SLC25A26: variants seen among roughly 807,000 people sequenced by gnomAD.
SLC25A26 encodes mitochondrial S-adenosylmethionine carrier protein.
In SLC25A26, 36 loss-of-function variants were observed where a neutral mutation model predicts 37.8. That is an observed-to-expected ratio of 0.95 (90% CI 0.73 to 1.26). The LOEUF (loss-of-function observed/expected upper bound fraction) is 1.26. Ranked by LOEUF, SLC25A26 falls within the 50% of genes most tolerant of loss-of-function variation. The pLI is 0.00. For synonymous variants in SLC25A26, 129 were observed against 122.5 expected (o/e 1.05, Z -0.35); for missense variants, 390 against 331.1 (o/e 1.18, Z -1.38).
At chr3:66,293,631 A>G (rs967913433) in intron 5 of SLC25A26, among the ~76,000 whole-genome samples, 2 of 152,096 alleles carry the variant, frequency 1.3e-5, no homozygotes, top group African/African-American at 4.8e-5. Context: ...ATAAATGAGA[A>G]CATGTGGTAT....
At chr3:66,230,433 G>T (rs564382777) in intron 1 of SLC25A26, among the ~76,000 whole-genome samples, 1 of 152,136 alleles carries the variant, frequency 6.6e-6, no homozygotes, top group Non-Finnish European at 1.5e-5. Context: ...TCAGGGGTGT[G>T]TGTGTGCATG....
chr3:66,272,360 T>C (rs746137630), intron 5 of SLC25A26, among the ~76,000 whole-genome samples: 14 of 152,166 alleles, frequency 9.2e-5, no homozygotes, highest in Admixed American at 7.2e-4. Context: ...GAGGAAAATA[T>C]GTATTTAAAA....
chr3:66,227,548 T>G (rs1453153563), intron 1 of SLC25A26, among the ~76,000 whole-genome samples: 1 of 152,226 alleles, frequency 6.6e-6, no homozygotes, highest in Non-Finnish European at 1.5e-5. Context: ...TACTCATAGT[T>G]AATATGCTGT....
At chr3:66,374,743 T>A (rs1700545119) in intron 9 of SLC25A26, among the ~76,000 whole-genome samples, 1 of 152,048 alleles carries the variant, frequency 6.6e-6, no homozygotes. Flanking sequence ...TAGCTGGCCA[T>A]GTTGGTGTGT....
At chr3:66,156,033 T>C (rs1384162074) in intron 1 of SLC25A26, among the ~76,000 whole-genome samples, 1 of 152,022 alleles carries the variant, frequency 6.6e-6, no homozygotes, top group Non-Finnish European at 1.5e-5. Flanking sequence ...TACAAGTAGA[T>C]GATGTTGGGG....
intron 5 of SLC25A26, among the ~76,000 whole-genome samples, chr3:66,319,262 C>CT (rs1172787955): frequency 6.6e-6 from 1 of 150,868 alleles, no homozygotes; most frequent in Non-Finnish European, 1.5e-5. Context: ...TTTTTTCTGT[C>CT]TTTTTAACGT....
chr3:66,173,286 C>G (rs1022810925), intron 1 of SLC25A26, among the ~76,000 whole-genome samples: 2 of 152,066 alleles, frequency 1.3e-5, no homozygotes, highest in Non-Finnish European at 2.9e-5. Context: ...ACATGCTTTC[C>G]CCGGGAGCTA....
At chr3:66,298,153 A>C (rs2074965683) in intron 5 of SLC25A26, among the ~76,000 whole-genome samples, 1 of 152,210 alleles carries the variant, frequency 6.6e-6, no homozygotes, top group Admixed American at 6.5e-5. Context: ...CATGATTCTG[A>C]TGCATTCTGA....
In SLC25A26 at chr3:66,274,950, A is replaced by G. The variant is rs940956289; in HGVS notation, c.453+11571A>G. 1.9e-4 allele frequency among the ~76,000 whole-genome samples: 29 copies of G among 152,224 alleles called. 1 individual carries two copies. Among genetic ancestry groups the G allele is most frequent in the Admixed American group, 1.3e-3 (20 of 15,286 alleles). On this transcript the variant is annotated intron_variant, in intron 5 of 9. Transcript: ENST00000354883. ...CATGCTGCTATAAAGACACATGCAA[A>G]CGTATGTTTATTGCGGCACTATTCA...
chr3:66,327,437 A>G (rs1030295252), intron 5 of SLC25A26, among the ~76,000 whole-genome samples: 1 of 152,194 alleles, frequency 6.6e-6, no homozygotes, highest in South Asian at 2.1e-4. Context: ...AAAAATGTTT[A>G]AGATCGCTTC....
intron 7 of SLC25A26, among the ~76,000 whole-genome samples, chr3:66,364,916 T>C (rs537784477): frequency 1.3e-5 from 2 of 152,202 alleles, no homozygotes; most frequent in Non-Finnish European, 2.9e-5. Context: ...CTGTTGTCAG[T>C]AGAACCACAT....
intron 5 of SLC25A26, among the ~76,000 whole-genome samples, chr3:66,274,258 G>T (rs1297873706): frequency 6.6e-6 from 1 of 151,762 alleles, no homozygotes; most frequent in Non-Finnish European, 1.5e-5. Context: ...TTCAAGATGG[G>T]TTAAAGACTT....
upstream of SLC25A26, among the ~76,000 whole-genome samples, chr3:66,217,479 T>C (rs1366490891): frequency 6.6e-6 from 1 of 152,174 alleles, no homozygotes; most frequent in Non-Finnish European, 1.5e-5. Flanking sequence ...TCTGTGCATA[T>C]ATTATTTATT....
chr3:66,233,664 G>T (rs949829620), intron 1 of SLC25A26, among the ~76,000 whole-genome samples: 5 of 152,060 alleles, frequency 3.3e-5, no homozygotes, highest in African/African-American at 1.2e-4. Context: ...AAATATATAG[G>T]TATTCTTATT....
intron 5 of SLC25A26, among the ~76,000 whole-genome samples, chr3:66,324,680 T>A (rs772765782): frequency 6.6e-6 from 1 of 152,168 alleles, no homozygotes; most frequent in Non-Finnish European, 1.5e-5. Flanking sequence ...CACCCAGGAA[T>A]GAACAAGGGC....
chr3:66,147,926 T>C (rs2070144271), intron 1 of SLC25A26, among the ~76,000 whole-genome samples: 1 of 152,034 alleles, frequency 6.6e-6, no homozygotes, highest in African/African-American at 2.4e-5. Flanking sequence ...GCCCAGCTAA[T>C]TTTTGTATTT....
intron 6 of SLC25A26, among the ~76,000 whole-genome samples, chr3:66,352,428 GTTTTTTGTTTTTTGT>G (rs2076476492): frequency 7.9e-6 from 1 of 126,686 alleles, no homozygotes; most frequent in East Asian, 3.7e-4. Context: ...CTCGTTTTTT[GTTTTTTGTTTTTTGT>G]TTTTTTTTTT....
At chr3:66,230,462 G>C (rs1408144050) in intron 1 of SLC25A26, among the ~76,000 whole-genome samples, 1 of 151,988 alleles carries the variant, frequency 6.6e-6, no homozygotes, top group Non-Finnish European at 1.5e-5. Context: ...TAGGGGGGTG[G>C]AGGCGATGGT....
intron 1 of SLC25A26, among the ~76,000 whole-genome samples, chr3:66,141,794 G>A (rs554182074): frequency 8.5e-5 from 13 of 152,204 alleles, no homozygotes; most frequent in African/African-American, 1.7e-4. Context: ...GATTACAGGC[G>A]TGGGCCACTG....
Sources: gnomAD v4.1 joint callset for allele counts (sites outside exome capture counted in the v4.1 genomes callset) on GRCh38, gnomAD v4.1.1 for gene constraint, MANE v1.5 for transcripts, NCBI Gene and HGNC (gene_info 2026-07-23, HGNC 2026-07-21) for gene names.